Variants in UHRF2 observed in about 807,000 individuals in gnomAD.
UHRF2 encodes the protein E3 ubiquitin-protein ligase UHRF2.
UHRF2 carries 23 observed loss-of-function variants against 96.8 expected under a neutral mutation model. The ratio of observed to expected loss-of-function variants is 0.24; its 90% CI spans 0.17 to 0.34. UHRF2 has a LOEUF of 0.34. Among genes scored for constraint, UHRF2 ranks in the 10% least tolerant of loss-of-function variants. The pLI is 1.00. For missense variants in UHRF2, 685 were observed against 981.5 expected (o/e 0.70, Z 4.04); for synonymous variants, 385 against 332.6 (o/e 1.16, Z -1.72).
chr9:6,504,999 G>A (rs192116318), intron 15 of UHRF2, among the ~76,000 whole-genome samples: 9 of 152,180 alleles, frequency 5.9e-5, no homozygotes, highest in African/African-American at 9.6e-5. Context: ...ATATTATAGC[G>A]CAAACTGGAG....
intron 2 of UHRF2, among the ~76,000 whole-genome samples, chr9:6,425,745 G>C (rs933240438): frequency 6.0e-5 from 9 of 149,324 alleles, no homozygotes; most frequent in African/African-American, 2.2e-4. Flanking sequence ...GCCTGGGTGA[G>C]TGAGACTTCG....
rs975280752 is a variant in UHRF2 at position 6,501,049 on chromosome 9, G to A, written c.2163+340G>A. On this transcript the variant is annotated intron_variant, in intron 14 of 15. Transcript: ENST00000276893. ...TGTTACAGTTCAAAGTTACCTAACC[G>A]CATAAGTCTTAAGCAGTTCAGCACA... is the stretch of plus-strand genomic sequence containing the variant. Among the ~76,000 whole-genome samples, 6 of 152,240 alleles carry A rather than the reference G, an allele frequency of 3.9e-5. No homozygotes were observed. The South Asian group carries it at 6.2e-4, about 16-fold the overall frequency.
chr9:6,465,931 T>C (rs1822832256), intron 4 of UHRF2, among the ~76,000 whole-genome samples: 1 of 152,254 alleles, frequency 6.6e-6, no homozygotes, highest in African/African-American at 2.4e-5. Context: ...CTATTTATTT[T>C]AGCTTTGAAA....
intron 4 of UHRF2, among the ~76,000 whole-genome samples, chr9:6,467,895 A>G (rs969707716): frequency 1.4e-4 from 22 of 151,948 alleles, no homozygotes; most frequent in Admixed American, 7.2e-4. Context: ...AATTTTTTCT[A>G]TCTGCAAGGT....
intron 4 of UHRF2, among the ~76,000 whole-genome samples, chr9:6,465,733 T>G (rs1022918766): frequency 6.6e-6 from 1 of 152,180 alleles, no homozygotes; most frequent in Non-Finnish European, 1.5e-5. Context: ...ATCCTCTCTA[T>G]TGTATTGAAG....
intron 13 of UHRF2, 75 bp from the exon 14 acceptor site, chr9:6,500,477 A>G: frequency 7.9e-7 from 1 of 1,271,796 alleles, no homozygotes; most frequent in South Asian, 1.6e-5. Context: ...TACTTGTGCC[A>G]GTTAACTCTT....
intron 3 of UHRF2, among the ~76,000 whole-genome samples, chr9:6,449,868 G>C (rs188671967): frequency 6.6e-6 from 1 of 152,276 alleles, no homozygotes; most frequent in East Asian, 1.9e-4. Flanking sequence ...TTGGTTGTTG[G>C]AGGCATTAAG....
rs2130884077 is a variant in UHRF2 at position 6,472,667 on chromosome 9, T to C, written c.864-2724T>C. 3.3e-5 allele frequency among the ~76,000 whole-genome samples: 5 copies of C among 152,350 alleles called. 1 individual carries two copies. In the South Asian group the frequency reaches 1.0e-3, roughly 32 times the overall value. On this transcript the variant is annotated intron_variant, in intron 4 of 15. Coordinates refer to ENST00000276893, the MANE Select transcript of UHRF2 (RefSeq NM_152896.3). ...TGAACATAAAGGAGAAAGTATAGTA[T>C]GTACTGGCTCTATGACCTGACACAG...
At chr9:6,463,594 C>T (rs1282633787) in intron 4 of UHRF2, among the ~76,000 whole-genome samples, 3 of 151,988 alleles carry the variant, frequency 2.0e-5, no homozygotes, top group South Asian at 2.1e-4. Context: ...CCGCAGCCAC[C>T]GGAGTAGCTG....
intron 4 of UHRF2, chr9:6,468,263 G>C: frequency 2.8e-6 from 1 of 357,992 alleles, no homozygotes; most frequent in Non-Finnish European, 5.5e-6. Context: ...AACAAAAATG[G>C]TACATAAGTG....
chr9:6,486,742 A>C (rs1824312219), intron 8 of UHRF2, 79 bp from the exon 9 acceptor site: 15 of 1,405,046 alleles, frequency 1.1e-5, no homozygotes, highest in Non-Finnish European at 1.5e-5. Context: ...TTAGGTACCA[A>C]GAATATATAT....
rs148462349 is a variant in UHRF2, at chr9:6,472,051, A to C, written c.864-3340A>C. On this transcript the variant is annotated intron_variant, in intron 4 of 15. Coordinates refer to ENST00000276893, the MANE Select transcript of UHRF2 (RefSeq NM_152896.3). Reference sequence around the variant, plus strand: ...TGTATCTTAAATACAGTGAACATTGACAAATGGATATACGCATGTCACCAC... The same window carrying C: ...TGTATCTTAAATACAGTGAACATTGCCAAATGGATATACGCATGTCACCAC... 3.3e-5 allele frequency among the ~76,000 whole-genome samples: 5 copies of C among 152,334 alleles called. No homozygotes were observed. The East Asian group carries it at 9.6e-4, about 29-fold the overall frequency.
chr9:6,475,435 A>G lies in UHRF2; in HGVS notation c.908A>G (p.Asp303Gly), dbSNP rs1373287623. Reference sequence around the variant, plus strand: ...AATGACTGCAAGATAATATCTGTAGATGAAATCTTCAAGATTGAGAGACCT... The same window carrying G: ...AATGACTGCAAGATAATATCTGTAGGTGAAATCTTCAAGATTGAGAGACCT... The part of the protein sequence containing the change: ...TLNDCKIISV[D>G]EIFKIERPGA... Residue 303 changes from aspartate to glycine, a missense_variant, in exon 5 of 16, where the codon GAT becomes GGT. Physicochemically the swap from Asp to Gly is moderately conservative, Grantham distance 94. Around this residue, in one of 6 missense-constraint regions of UHRF2, gnomAD observed 391 missense variants for 437.0 expected, o/e 0.89. Coordinates refer to ENST00000276893, the MANE Select transcript of UHRF2 (RefSeq NM_152896.3). 1 of 1,588,928 alleles carries G rather than the reference A, an allele frequency of 6.3e-7. No individual in the cohort carries two copies. Among genetic ancestry groups the G allele is most frequent in the Non-Finnish European group, 8.6e-7 (1 of 1,166,856 alleles).
chr9:6,492,070 A>G (rs1824695344), intron 9 of UHRF2, among the ~76,000 whole-genome samples: 2 of 152,014 alleles, frequency 1.3e-5, no homozygotes, highest in Admixed American at 1.3e-4. Flanking sequence ...ATATGGTTTG[A>G]GCTCTTACAG....
intron 3 of UHRF2, among the ~76,000 whole-genome samples, chr9:6,436,928 T>C (rs1044424546): frequency 5.3e-5 from 8 of 152,036 alleles, no homozygotes; most frequent in African/African-American, 1.9e-4. Context: ...CTTTGAAAAA[T>C]GAAAGATAAC....
intron 3 of UHRF2, among the ~76,000 whole-genome samples, chr9:6,452,979 C>T (rs1471391370): frequency 6.6e-6 from 1 of 152,088 alleles, no homozygotes; most frequent in Middle Eastern, 3.2e-3. Context: ...TGTTCCTTTT[C>T]TGTTTTTTTG....
intron 7 of UHRF2, 60 bp from the exon 8 acceptor site, chr9:6,481,932 A>T: frequency 6.3e-7 from 1 of 1,582,736 alleles, no homozygotes. Flanking sequence ...TCTCAGAATT[A>T]AGGGCTTTCA....
At chr9:6,456,962 T>G (rs1327408484) in intron 3 of UHRF2, among the ~76,000 whole-genome samples, 1 of 152,220 alleles carries the variant, frequency 6.6e-6, no homozygotes, top group East Asian at 1.9e-4. Context: ...GCTTTGTTCT[T>G]TTTGCTTAGG....
At chr9:6,500,000 C>T in intron 13 of UHRF2, 69 bp downstream of exon 13, 2 of 1,260,810 alleles carry the variant, frequency 1.6e-6, no homozygotes, top group Admixed American at 4.1e-5. Flanking sequence ...GAGACGGGGT[C>T]TCACTCTTGT....
Sources: allele counts gnomAD v4.1 joint callset (sites outside exome capture counted in the v4.1 genomes callset), GRCh38; gene constraint gnomAD v4.1.1; regional missense constraint gnomAD v4.1.1; transcripts MANE v1.5; gene names NCBI Gene and HGNC (gene_info 2026-07-23, HGNC 2026-07-21).